The following TRIM49B variants were observed in gnomAD, a reference collection of about 807,000 sequenced individuals.
TRIM49B encodes the protein putative tripartite motif-containing protein 49B.
In TRIM49B, 18 loss-of-function variants were observed where a neutral mutation model predicts 31.8. That is an observed-to-expected ratio of 0.57 (90% CI 0.39 to 0.84). The LOEUF is 0.84. Among genes scored for constraint, TRIM49B ranks in the 40% least tolerant of loss-of-function variants. TRIM49B has a pLI of 0.00. For missense variants in TRIM49B, 494 were observed against 538.7 expected (o/e 0.92, Z 0.82); for synonymous variants, 196 against 180.6 (o/e 1.09, Z -0.68).
At position 49,030,742 on chromosome 11, in the gene TRIM49B, T is replaced by C. The variant is rs1214990467; in HGVS notation, c.-4-854T>C. 2.6e-5 allele frequency among the ~76,000 whole-genome samples: 4 copies of C among 152,286 alleles called. No individual in the cohort carries two copies. In the East Asian group the frequency reaches 7.7e-4, roughly 29 times the overall value. ...TCACCCACAAACAATGCTTCACTAG[T>C]TCCCTAGGTATTGGTTAATCCAGTC... is the stretch of plus-strand genomic sequence containing the variant. On this transcript the variant is annotated intron_variant, in intron 1 of 6. Transcript: ENST00000332682.
Position 49,037,477 on chromosome 11 carries a change from G to C in TRIM49B, c.860-1G>C. ...ATGCATGTTTTCTCTTTTTTTTGCA[G>C]TGCATATTACTCTGCATCATGAAGA... On this transcript the variant is annotated splice_acceptor_variant, in intron 6 of 6. Transcript: ENST00000332682. LOFTEE classifies it high-confidence loss of function. The C allele has an allele frequency of 5.0e-6, 8 of 1,609,126 alleles. No homozygotes were observed. Among genetic ancestry groups the C allele is most frequent in the Non-Finnish European group, 6.8e-6 (8 of 1,178,308 alleles).
rs1433359117 is a variant in TRIM49B at position 49,032,146 on chromosome 11, T to G, written c.412-130T>G. 64 of 1,592,252 alleles carry G rather than the reference T, an allele frequency of 4.0e-5. No homozygotes were observed. The East Asian group carries it at 1.1e-3, about 26-fold the overall frequency. On this transcript the variant is annotated intron_variant, in intron 2 of 6. Coordinates refer to ENST00000332682, the MANE Select transcript of TRIM49B (RefSeq NM_001206626.2). ...GTTTGGGCTTTCTTAGCTTCCAACC[T>G]CTGGGCTTTGACAAACATGAAGGGA...
At chr11:49,037,233 T>A (rs1854542454) in intron 6 of TRIM49B, among the ~76,000 whole-genome samples, 1 of 152,206 alleles carries the variant, frequency 6.6e-6, no homozygotes, top group South Asian at 2.1e-4. Context: ...AATTTTACTT[T>A]GAAAATTGGA....
intron 1 of TRIM49B, among the ~76,000 whole-genome samples, chr11:49,029,744 T>C (rs773056029): frequency 3.3e-5 from 5 of 152,248 alleles, no homozygotes; most frequent in African/African-American, 4.8e-5. Flanking sequence ...AACCATAGGA[T>C]GTATACGTAT....
Position 49,034,289 on chromosome 11 carries a change from C to G in TRIM49B, c.651C>G (p.Ala217=). The G allele has an allele frequency of 3.7e-6, 6 of 1,611,876 alleles. No individual in the cohort carries two copies. Among genetic ancestry groups the G allele is most frequent in the Non-Finnish European group, 5.1e-6 (6 of 1,179,810 alleles). Residue 217 remains alanine, a synonymous_variant, in exon 4 of 7, where the codon GCC becomes GCG. Coordinates refer to ENST00000332682, the MANE Select transcript of TRIM49B (RefSeq NM_001206626.2). ...TTCATCGACTTCATTTAAGTAAAGC[C>G]AAAATGGCTCATAGGAGGGAGATTT... ...DIFHRLHLSK[A]KMAHRREILR...
intron 3 of TRIM49B, among the ~76,000 whole-genome samples, chr11:49,033,469 AT>A (rs1854479809): frequency 3.2e-5 from 2 of 62,278 alleles, no homozygotes; most frequent in Non-Finnish European, 6.9e-5. Context: ...TTGTGTGTAT[AT>A]ATATATATGT....
At chr11:49,035,194 GCATA>G in intron 5 of TRIM49B, 77 bp downstream of exon 5, 1 of 1,588,778 alleles carries the variant, frequency 6.3e-7, no homozygotes, top group Non-Finnish European at 8.5e-7. Context: ...TAAAGTCATG[GCATA>G]AAGTCATGGC....
At chr11:49,032,496 A>G (rs1320252995) in intron 3 of TRIM49B, 125 bp downstream of exon 3, 31 of 1,527,552 alleles carry the variant, frequency 2.0e-5, no homozygotes, top group Non-Finnish European at 2.5e-5. Flanking sequence ...AGAAAAAAAA[A>G]GCGAGAGAAA....
rs1854513125 is a variant in TRIM49B, at chr11:49,035,390, G to C, written c.761+273G>C. Among the ~76,000 whole-genome samples, 3 of 105,360 alleles carry C rather than the reference G, an allele frequency of 2.8e-5. No homozygotes were observed. In the Admixed American group the frequency reaches 3.4e-4, roughly 12 times the overall value. 69.1% of individuals were successfully genotyped at this position (105,360 alleles called of 152,430 possible). ...TTTTTTTTTTTTTGAGACGGTGTCTGGCTCTGTCGCCCAGGCTGGAGTGCA... is the reference window on the plus strand; with the variant it reads ...TTTTTTTTTTTTTGAGACGGTGTCTCGCTCTGTCGCCCAGGCTGGAGTGCA... On this transcript the variant is annotated intron_variant, in intron 5 of 6. Coordinates refer to ENST00000332682, the MANE Select transcript of TRIM49B (RefSeq NM_001206626.2).
intron 2 of TRIM49B, 107 bp from the exon 3 acceptor site, chr11:49,032,169 G>A: frequency 6.2e-7 from 1 of 1,601,860 alleles, no homozygotes; most frequent in Non-Finnish European, 8.5e-7. Flanking sequence ...AAACATGAAG[G>A]GAAACAAAGG....
intron 4 of TRIM49B, among the ~76,000 whole-genome samples, chr11:49,034,685 A>G (rs1854497860): frequency 1.3e-5 from 2 of 152,130 alleles, no homozygotes; most frequent in Non-Finnish European, 2.9e-5. Context: ...ATAGTGAGTG[A>G]TTCATTTACA....
Position 49,034,204 on chromosome 11 carries a change from T to A in TRIM49B, c.566T>A (p.Phe189Tyr). 1 of 1,611,934 alleles carries A rather than the reference T, an allele frequency of 6.2e-7. No homozygotes were observed. Among genetic ancestry groups the A allele is most frequent in the Middle Eastern group, 2.3e-4 (1 of 4,430 alleles). The change falls in exon 4 of 7, where the codon TTT (phenylalanine) becomes TAT (tyrosine). Residue 189 changes from phenylalanine (F) to tyrosine (Y), a missense_variant. Physicochemically the swap from Phe to Tyr is conservative, Grantham distance 22. Transcript: ENST00000332682. ...GCTGAGTATCAGAAGATGCCTGCAT[T>A]TCACCATGAAGAAGAAAAACATAAT... ...IRAEYQKMPA[F>Y]HHEEEKHNLE...
chr11:49,036,946 A>G (rs1357018475), intron 6 of TRIM49B, among the ~76,000 whole-genome samples: 1 of 152,250 alleles, frequency 6.6e-6, no homozygotes, highest in East Asian at 1.9e-4. Flanking sequence ...TGCAATATGA[A>G]GAGCTACATG....
At position 49,036,374 on chromosome 11, in the gene TRIM49B, A is replaced by T; in HGVS notation, c.835A>T (p.Arg279Trp). The T allele has an allele frequency of 6.4e-7, 1 of 1,574,340 alleles. No individual in the cohort carries two copies. Among genetic ancestry groups the T allele is most frequent in the Non-Finnish European group, 8.6e-7 (1 of 1,159,688 alleles). ...ELSAGPITGL[R>W]DRLNQFRVHI... ...CAGTGCAGGGCCCATCACTGGACTGAGGGACAGGCTCAACCAATTCCGAGG... is the reference window on the plus strand; with the variant it reads ...CAGTGCAGGGCCCATCACTGGACTGTGGGACAGGCTCAACCAATTCCGAGG... The change falls in exon 6 of 7, where the codon AGG (arginine) becomes TGG (tryptophan). Residue 279 changes from arginine to tryptophan, a missense_variant. Physicochemically the swap from Arg to Trp is moderately radical, Grantham distance 101. Coordinates refer to ENST00000332682, the MANE Select transcript of TRIM49B (RefSeq NM_001206626.2).
Position 49,034,365 on chromosome 11 carries a change from G to A in TRIM49B, c.727G>A (p.Glu243Lys). The A allele has an allele frequency of 6.2e-7, 1 of 1,611,976 alleles. No homozygotes were observed. Among genetic ancestry groups the A allele is most frequent in the Non-Finnish European group, 8.5e-7 (1 of 1,179,838 alleles). Residue 243 changes from glutamate (E) to lysine (K), a missense_variant, in exon 4 of 7, where the codon GAG (glutamate) becomes AAG (lysine). Physicochemically the swap from Glu to Lys is moderately conservative, Grantham distance 56. This residue lies in a region of TRIM49B where 233 missense variants were observed against 281.4 expected (regional missense o/e 0.83). Coordinates refer to ENST00000332682, the MANE Select transcript of TRIM49B (RefSeq NM_001206626.2). ...LNEMCHKPDV[E>K]LLQAFGDILH... ...CGAAATGTGCCATAAACCAGATGTGGAGCTACTTCAGGTACAAACTCGCCA... is the reference window on the plus strand; with the variant it reads ...CGAAATGTGCCATAAACCAGATGTGAAGCTACTTCAGGTACAAACTCGCCA...
intron 3 of TRIM49B, 122 bp downstream of exon 3, chr11:49,032,493 A>G: frequency 6.5e-7 from 1 of 1,537,924 alleles, no homozygotes; most frequent in Non-Finnish European, 8.7e-7. Context: ...AAAAGAAAAA[A>G]AAAGCGAGAG....
chr11:49,031,530 T>C (rs1854445188), intron 1 of TRIM49B, 66 bp from the exon 2 acceptor site: 8 of 1,583,826 alleles, frequency 5.1e-6, no homozygotes, highest in Non-Finnish European at 5.1e-6. Flanking sequence ...ATCACATATC[T>C]CCACATGTTT....
intron 3 of TRIM49B, among the ~76,000 whole-genome samples, chr11:49,033,437 ATATG>A (rs754303365): frequency 6.6e-6 from 1 of 150,522 alleles, no homozygotes; most frequent in Non-Finnish European, 1.5e-5. Context: ...ATGAGTGTGT[ATATG>A]TATGTATGTG....
chr11:49,035,000 T>C (rs1394796807), intron 4 of TRIM49B, 95 bp from the exon 5 acceptor site: 12 of 1,570,642 alleles, frequency 7.6e-6, no homozygotes, highest in African/African-American at 1.4e-5. Flanking sequence ...AGGGGAATAA[T>C]ATCTTCAGAA....
Sources: allele counts gnomAD v4.1 joint callset (sites outside exome capture counted in the v4.1 genomes callset), GRCh38; gene constraint gnomAD v4.1.1; regional missense constraint gnomAD v4.1.1; transcripts MANE v1.5; gene names NCBI Gene and HGNC (gene_info 2026-07-23, HGNC 2026-07-21).